Variants in KCNJ5 observed in about 807,000 individuals in gnomAD.
The protein encoded by KCNJ5 is G protein-activated inward rectifier potassium channel 4.
Under a neutral mutation model 20.2 loss-of-function variants are expected in KCNJ5, and 12 were observed. That is an observed-to-expected ratio of 0.59 (90% CI 0.38 to 0.96). The LOEUF is 0.96. Ranked by LOEUF, KCNJ5 falls within the 40% of genes least tolerant of loss-of-function variation. The pLI is 0.00. For synonymous variants in KCNJ5, 210 were observed against 213.9 expected, an observed-to-expected ratio of 0.98 and a Z score of 0.16; for missense variants, 449 against 557.6, an observed-to-expected ratio of 0.81 and a Z score of 1.96.
chr11:128,905,405 T>A (rs975325040), intron 1 of KCNJ5: 21 of 152,424 alleles, frequency 1.4e-4, no homozygotes, highest in African/African-American at 5.1e-4. Context: ...GGGTCTCCCC[T>A]GTGTCACCCT....
chr11:128,916,681 G>A lies in KCNJ5; in HGVS notation c.1210G>A (p.Asp404Asn). Residue 404 changes from aspartate (D) to asparagine (N), a missense_variant, in exon 3 of 3, where the codon GAT (aspartate) becomes AAT (asparagine). Transcript: ENST00000529694. The part of the protein sequence containing the change: ...LDAEAEQNEE[D>N]EPKGLGGSRE... Reference sequence around the variant, plus strand: ...TGCAGAGGCTGAGCAGAATGAAGAAGATGAGCCCAAGGGGCTGGGTGGGTC... The same window carrying A: ...TGCAGAGGCTGAGCAGAATGAAGAAAATGAGCCCAAGGGGCTGGGTGGGTC... 1 of 1,611,602 alleles carries A rather than the reference G, an allele frequency of 6.2e-7. No homozygotes were observed. The highest frequency in any genetic ancestry group is 8.5e-7 in the Non-Finnish European group (1 of 1,179,036).
chr11:128,892,454 C>T lies in KCNJ5; in HGVS notation c.-11+733C>T, dbSNP rs114524988. Among the ~76,000 whole-genome samples, 299 of 152,294 alleles carry T rather than the reference C, an allele frequency of 2.0e-3. 1 individual carries two copies. Among genetic ancestry groups the T allele is most frequent in the African/African-American group, 6.8e-3 (282 of 41,558 alleles). On this transcript the variant is annotated intron_variant, in intron 1 of 2. Coordinates refer to ENST00000529694, the MANE Select transcript of KCNJ5 (RefSeq NM_000890.5). The stretch of plus-strand genomic sequence containing the variant: ...CAGGGGCTGTGGAGGGCCTCAGGTC[C>T]GGCCCCCAAAGTTCTAGGGCCTACC...
At chr11:128,904,357 TGCC>T in intron 1 of KCNJ5, 1 of 1,585,672 alleles carries the variant, frequency 6.3e-7, no homozygotes, top group Admixed American at 1.7e-5. Flanking sequence ...TGATTTTTTT[TGCC>T]TGTGTACTCC....
intron 2 of KCNJ5, among the ~76,000 whole-genome samples, chr11:128,912,690 T>C (rs1944522253): frequency 6.6e-6 from 1 of 152,144 alleles, no homozygotes; most frequent in Non-Finnish European, 1.5e-5. Context: ...TTTGTATTTT[T>C]AGTAGAGACA....
In KCNJ5 at chr11:128,904,703, T is replaced by C. The variant is rs113589363; in HGVS notation, c.-10-6561T>C. On this transcript the variant is annotated intron_variant, in intron 1 of 2. Coordinates refer to ENST00000529694, the MANE Select transcript of KCNJ5 (RefSeq NM_000890.5). ...TGAAGTGTGAGTCGACCTCCTTCTA[T>C]CCCCAGAGCTCAACATAATTCAAAC... is the stretch of plus-strand genomic sequence containing the variant. 6,040 of 605,380 alleles carry C rather than the reference T, an allele frequency of 1.0e-2. 214 individuals carry two copies. The highest frequency in any genetic ancestry group is 0.087 in the African/African-American group (4,709 of 54,274). The allele number at this position is 605,380 out of a possible 1,614,324, so 37.5% of individuals were successfully genotyped here. A position where few individuals can be genotyped will look rare whatever the true frequency, so the allele number is the denominator to read the frequency against.
intron 1 of KCNJ5, chr11:128,910,000 C>T (rs960529254): frequency 6.6e-6 from 1 of 152,186 alleles, no homozygotes; most frequent in Non-Finnish European, 1.5e-5. Context: ...CAAAACCTCA[C>T]TTGGTCACAT....
chr11:128,912,339 C>A, intron 2 of KCNJ5, 129 bp downstream of exon 2: 1 of 782,308 alleles, frequency 1.3e-6, no homozygotes, highest in South Asian at 1.4e-5. Context: ...CATTCAATCC[C>A]TAAATTGTGG....
intron 2 of KCNJ5, among the ~76,000 whole-genome samples, chr11:128,914,022 G>T (rs1392818639): frequency 6.6e-6 from 1 of 152,198 alleles, no homozygotes; most frequent in Non-Finnish European, 1.5e-5. Context: ...GCTGGGGGCT[G>T]GAGTCTGGCA....
At chr11:128,912,897 G>A (rs1944524802) in intron 2 of KCNJ5, among the ~76,000 whole-genome samples, 1 of 152,210 alleles carries the variant, frequency 6.6e-6, no homozygotes, top group African/African-American at 2.4e-5. Flanking sequence ...TCGAATGATA[G>A]AGCTAGGATG....
At chr11:128,901,680 T>A (rs1337956769) in intron 1 of KCNJ5, 1 of 152,142 alleles carries the variant, frequency 6.6e-6, no homozygotes, top group East Asian at 1.9e-4. Context: ...TGTGGGGAGC[T>A]CCCCTTTGAG....
intron 1 of KCNJ5, among the ~76,000 whole-genome samples, chr11:128,904,768 CTGAG>C (rs1192827711): frequency 2.7e-5 from 4 of 149,938 alleles, no homozygotes; most frequent in African/African-American, 5.0e-5. Flanking sequence ...GACTAATTGA[CTGAG>C]TGAGTGAAGC....
At chr11:128,904,423 C>T (rs1944356162) in intron 1 of KCNJ5, 1 of 1,613,974 alleles carries the variant, frequency 6.2e-7, no homozygotes, top group Non-Finnish European at 8.5e-7. Context: ...GGTCGTCAAT[C>T]TCATTACCTG....
At chr11:128,895,821 T>C (rs899723841) in intron 1 of KCNJ5, among the ~76,000 whole-genome samples, 8 of 152,232 alleles carry the variant, frequency 5.3e-5, no homozygotes, top group African/African-American at 1.9e-4. Flanking sequence ...GCTGCTCTTA[T>C]GGAGCAGGGA....
rs148090402 is a variant in KCNJ5, at chr11:128,908,616, A to G, written c.-10-2648A>G. On this transcript the variant is annotated intron_variant, in intron 1 of 2. Transcript: ENST00000529694. Reference sequence around the variant, plus strand: ...CTAGTACGGCACAAAGCCTTCGCCTACAAGAATGTATGCAAGTATGTTTAA... The same window carrying G: ...CTAGTACGGCACAAAGCCTTCGCCTGCAAGAATGTATGCAAGTATGTTTAA... 3.5e-3 allele frequency among the ~76,000 whole-genome samples: 538 copies of G among 152,352 alleles called. 2 individuals are homozygous for G. Among genetic ancestry groups the G allele is most frequent in the African/African-American group, 0.012 (512 of 41,574 alleles).
intron 1 of KCNJ5, among the ~76,000 whole-genome samples, chr11:128,910,982 C>T (rs1213614817): frequency 1.3e-5 from 2 of 152,190 alleles, no homozygotes; most frequent in Non-Finnish European, 2.9e-5. Flanking sequence ...TTCTCAAACC[C>T]TTTCAACACT....
intron 1 of KCNJ5, among the ~76,000 whole-genome samples, chr11:128,905,335 C>T (rs963391270): frequency 9.9e-5 from 15 of 152,246 alleles, no homozygotes; most frequent in Non-Finnish European, 1.6e-4. Context: ...GGGGCCACAC[C>T]CAGGCGTCGA....
chr11:128,891,905 G>C (rs1050356266), intron 1 of KCNJ5, among the ~76,000 whole-genome samples, 184 bp downstream of exon 1: 2 of 152,234 alleles, frequency 1.3e-5, no homozygotes, highest in Non-Finnish European at 2.9e-5. Flanking sequence ...GGAGATCTCC[G>C]TGGCTGCAGG....
At chr11:128,904,685 T>G (rs939538077) in intron 1 of KCNJ5, 1 of 624,690 alleles carries the variant, frequency 1.6e-6, no homozygotes, top group African/African-American at 1.8e-5. Flanking sequence ...CAGTGAAGTG[T>G]GAGTCGACCT....
At chr11:128,904,629 G>T (rs770840885) in intron 1 of KCNJ5, 56 of 737,110 alleles carry the variant, frequency 7.6e-5, no homozygotes, top group Non-Finnish European at 1.1e-4. Context: ...ATCAGAACCC[G>T]CATTTTAGCC....
Sources: gnomAD v4.1 joint callset for allele counts (sites outside exome capture counted in the v4.1 genomes callset) on GRCh38, gnomAD v4.1.1 for gene constraint, MANE v1.5 for transcripts, NCBI Gene and HGNC (gene_info 2026-07-23, HGNC 2026-07-21) for gene names.